The following SNTB1 variants were observed in gnomAD, a reference collection of about 807,000 sequenced individuals.
SNTB1 encodes the protein beta-1-syntrophin.
SNTB1 carries 36 observed loss-of-function variants against 48.9 expected under a neutral mutation model. The ratio of observed to expected loss-of-function variants is 0.74; its 90% CI spans 0.56 to 0.97. SNTB1 has a LOEUF of 0.97. Among genes scored for constraint, SNTB1 ranks in the 50% least tolerant of loss-of-function variants. SNTB1 has a pLI of 0.00. For synonymous variants in SNTB1, 299 were observed against 294.6 expected (o/e 1.01, Z -0.15); for missense variants, 786 against 703.4 (o/e 1.12, Z -1.33).
At chr8:120,613,402 T>C (rs758788793) in intron 3 of SNTB1, among the ~76,000 whole-genome samples, 28 of 151,816 alleles carry the variant, frequency 1.8e-4, no homozygotes, top group Admixed American at 3.9e-4. Flanking sequence ...TGGTAGTTAC[T>C]AGAAGCTGGG....
chr8:120,676,682 T>C (rs758883569), intron 2 of SNTB1, among the ~76,000 whole-genome samples: 4 of 152,064 alleles, frequency 2.6e-5, no homozygotes, highest in Non-Finnish European at 5.9e-5. Flanking sequence ...AAAGAAAAGG[T>C]GGACAGAGCA....
intron 1 of SNTB1, among the ~76,000 whole-genome samples, chr8:120,781,955 G>A (rs974736433): frequency 6.6e-6 from 1 of 152,164 alleles, no homozygotes; most frequent in Non-Finnish European, 1.5e-5. Flanking sequence ...TCATAACAAA[G>A]TATCACAAGC....
At chr8:120,741,896 A>G (rs1819047235) in intron 1 of SNTB1, among the ~76,000 whole-genome samples, 1 of 152,254 alleles carries the variant, frequency 6.6e-6, no homozygotes, top group Non-Finnish European at 1.5e-5. Flanking sequence ...GAGGTGGAGT[A>G]TGCCATAAAG....
intron 2 of SNTB1, among the ~76,000 whole-genome samples, chr8:120,687,586 TC>T (rs1818055260): frequency 6.6e-6 from 1 of 152,244 alleles, no homozygotes; most frequent in South Asian, 2.1e-4. Context: ...TAGCACACCT[TC>T]TATTGATTCC....
chr8:120,587,631 A>G (rs1816169741), intron 3 of SNTB1, among the ~76,000 whole-genome samples: 1 of 152,220 alleles, frequency 6.6e-6, no homozygotes, highest in African/African-American at 2.4e-5. Context: ...AGGCTCCCCC[A>G]GTGAATGCTG....
At chr8:120,642,770 G>C (rs202018644) in intron 2 of SNTB1, among the ~76,000 whole-genome samples, 9 of 152,148 alleles carry the variant, frequency 5.9e-5, no homozygotes, top group Non-Finnish European at 1.3e-4. Context: ...AAATTAGTCA[G>C]GCATGGTGGT....
chr8:120,607,221 A>C (rs1005519252), intron 3 of SNTB1, among the ~76,000 whole-genome samples: 2 of 152,226 alleles, frequency 1.3e-5, no homozygotes, highest in African/African-American at 4.8e-5. Context: ...AATTCACACA[A>C]GGAAAAATTT....
chr8:120,805,816 A>C (rs1159432497), intron 1 of SNTB1, among the ~76,000 whole-genome samples: 1 of 152,222 alleles, frequency 6.6e-6, no homozygotes, highest in African/African-American at 2.4e-5. Flanking sequence ...ATTGGGGATA[A>C]GCATCCCTTA....
intron 2 of SNTB1, among the ~76,000 whole-genome samples, chr8:120,692,004 A>T (rs796103408): frequency 7.2e-5 from 11 of 152,340 alleles, no homozygotes; most frequent in African/African-American, 2.6e-4. Flanking sequence ...TGTGGGGAAC[A>T]AAACAGAGAA....
intron 4 of SNTB1, among the ~76,000 whole-genome samples, chr8:120,567,922 CTCT>C (rs1440291095): frequency 1.3e-5 from 2 of 152,004 alleles, no homozygotes; most frequent in African/African-American, 4.8e-5. Context: ...GGAATGGATC[CTCT>C]TCTTTAGAAA....
At chr8:120,548,253 A>G (rs1330511029) in intron 5 of SNTB1, among the ~76,000 whole-genome samples, 1 of 152,150 alleles carries the variant, frequency 6.6e-6, no homozygotes, top group East Asian at 1.9e-4. Context: ...TGCTTCCTGT[A>G]CAGTCTGCAG....
chr8:120,796,168 C>T (rs1265935806), intron 1 of SNTB1, among the ~76,000 whole-genome samples: 4 of 151,940 alleles, frequency 2.6e-5, no homozygotes, highest in African/African-American at 4.8e-5. Flanking sequence ...CTCCTGCCAC[C>T]GTGGTAAGAC....
chr8:120,628,588 C>T (rs1190732011), intron 3 of SNTB1, among the ~76,000 whole-genome samples: 1 of 152,148 alleles, frequency 6.6e-6, no homozygotes, highest in Non-Finnish European at 1.5e-5. Context: ...AAAACCCCAT[C>T]TCTTCTAAAA....
intron 3 of SNTB1, among the ~76,000 whole-genome samples, chr8:120,591,671 C>T (rs928179736): frequency 6.6e-6 from 1 of 152,162 alleles, no homozygotes; most frequent in Non-Finnish European, 1.5e-5. Flanking sequence ...GGCATCTCTT[C>T]TTTTAGCCTC....
intron 2 of SNTB1, among the ~76,000 whole-genome samples, chr8:120,689,632 A>G (rs1336366572): frequency 1.3e-5 from 2 of 152,164 alleles, no homozygotes; most frequent in African/African-American, 4.8e-5. Flanking sequence ...CCTTCTCTTC[A>G]TATTTAATGG....
In SNTB1 at chr8:120,811,616, G is replaced by A. The variant is rs1288834652; in HGVS notation, c.228C>T (p.His76=). 1 of 1,588,150 alleles carries A rather than the reference G, an allele frequency of 6.3e-7. No individual in the cohort carries two copies. Among genetic ancestry groups the A allele is most frequent in the South Asian group, 1.1e-5 (1 of 88,056 alleles). The change falls in exon 1 of 7, where the codon CAC becomes CAT. Residue 76 remains histidine, a synonymous_variant. Transcript: ENST00000517992. ...GSFCRGAGAG[H]PGAGGAQPPD... ...GGGGCTGCGCGCCGCCCGCGCCCGG[G>A]TGCCCAGCCCCGGCGCCCCTGCAGA...
intron 1 of SNTB1, among the ~76,000 whole-genome samples, chr8:120,745,953 A>T (rs1819118743): frequency 6.6e-6 from 1 of 152,200 alleles, no homozygotes. Context: ...CCAAGGGTCT[A>T]TCCCAGGGGT....
At chr8:120,799,151 C>T (rs1236779569) in intron 1 of SNTB1, among the ~76,000 whole-genome samples, 6 of 151,964 alleles carry the variant, frequency 3.9e-5, no homozygotes, top group African/African-American at 1.4e-4. Flanking sequence ...ACAGTACGGC[C>T]TTTATTGGTT....
chr8:120,632,339 T>C (rs1194469316), intron 3 of SNTB1, 105 bp downstream of exon 3: 2 of 1,049,360 alleles, frequency 1.9e-6, no homozygotes, highest in Non-Finnish European at 2.8e-6. Flanking sequence ...CCACACAGAC[T>C]GTGAATGAGA....
Sources: allele counts gnomAD v4.1 joint callset (sites outside exome capture counted in the v4.1 genomes callset), GRCh38; gene constraint gnomAD v4.1.1; transcripts MANE v1.5; gene names NCBI Gene and HGNC (gene_info 2026-07-23, HGNC 2026-07-21).